The following IQCK variants were observed in gnomAD, a reference collection of about 807,000 sequenced individuals.
IQCK encodes the protein IQ motif containing K, also known as IQ domain-containing protein K.
A neutral mutation model predicts 28.1 loss-of-function variants in IQCK; 29 were observed. The ratio of observed to expected loss-of-function variants is 1.03; its 90% CI spans 0.77 to 1.41. The LOEUF is 1.41. Among genes scored for constraint, IQCK ranks in the 40% most tolerant of loss-of-function variants. The pLI is 0.00. For synonymous variants in IQCK, 113 were observed against 115.1 expected (o/e 0.98, Z 0.12); for missense variants, 359 against 314.7 (o/e 1.14, Z -1.07).
chr16:19,810,737 C>T (rs1205796583), intron 7 of IQCK, among the ~76,000 whole-genome samples: 4 of 141,194 alleles, frequency 2.8e-5, no homozygotes, highest in African/African-American at 5.3e-5. Context: ...ACCTGGGAGG[C>T]GGAAGTTGTA....
At chr16:19,819,322 G>A (rs1470774983) in intron 7 of IQCK, among the ~76,000 whole-genome samples, 1 of 151,882 alleles carries the variant, frequency 6.6e-6, no homozygotes, top group East Asian at 1.9e-4. Flanking sequence ...GTGAAATTCC[G>A]TCTCTACTAA....
At chr16:19,821,436 T>C (rs1234798603) in intron 7 of IQCK, among the ~76,000 whole-genome samples, 4 of 152,038 alleles carry the variant, frequency 2.6e-5, no homozygotes, top group Non-Finnish European at 5.9e-5. Flanking sequence ...AAACAAAAAC[T>C]CGCCTGTAAT....
At chr16:19,831,128 G>C (rs1214465345), downstream of IQCK, among the ~76,000 whole-genome samples, 1 of 152,180 alleles carries the variant, frequency 6.6e-6, no homozygotes, top group Non-Finnish European at 1.5e-5. Context: ...GGAGAGCCTG[G>C]GGCTGGGCCC....
At position 19,824,508 on chromosome 16, in the gene IQCK, G is replaced by T. The variant is rs1362034958; in HGVS notation, c.691-2518G>T. Among the ~76,000 whole-genome samples, 3 of 152,144 alleles carry T rather than the reference G, an allele frequency of 2.0e-5. No individual in the cohort carries two copies. In the East Asian group the frequency reaches 5.8e-4, roughly 29 times the overall value. The stretch of plus-strand genomic sequence containing the variant: ...ACCAGCATGTGGCTGCAGGGGCTGG[G>T]TACCTCCGAAATAAGGGGAACCCCC... On this transcript the variant is annotated intron_variant, in intron 7 of 7. Coordinates refer to ENST00000564186, the Ensembl canonical transcript of IQCK.
intron 7 of IQCK, among the ~76,000 whole-genome samples, chr16:19,826,375 T>A (rs533171664): frequency 6.6e-6 from 1 of 151,968 alleles, no homozygotes; most frequent in Non-Finnish European, 1.5e-5. Flanking sequence ...TTAAGTGAGA[T>A]ATATTCTTGT....
intron 6 of IQCK, among the ~76,000 whole-genome samples, chr16:19,786,843 GGGAA>G (rs1440542050): frequency 1.3e-5 from 1 of 79,306 alleles, no homozygotes; most frequent in Non-Finnish European, 2.1e-5. Flanking sequence ...GGGGGATGGA[GGGAA>G]GGAAGGAAGG....
chr16:19,834,910 A>C (rs1245772195), intron 9 of IQCK, among the ~76,000 whole-genome samples: 1 of 152,082 alleles, frequency 6.6e-6, no homozygotes. Context: ...TTAGTGATGT[A>C]TTTTCCAAAG....
intron 7 of IQCK, among the ~76,000 whole-genome samples, chr16:19,804,585 G>A (rs1282587601): frequency 6.6e-6 from 1 of 151,858 alleles, no homozygotes; most frequent in East Asian, 2.0e-4. Flanking sequence ...CCACAGCTGT[G>A]AGCTACTACA....
In IQCK at chr16:19,786,785, AAAAG is replaced by A. The variant is rs1446240809; in HGVS notation, c.606-2043_606-2040del. Among the ~76,000 whole-genome samples the A allele has an allele frequency of 1.3e-3, 148 of 114,272 alleles. 1 individual carries two copies. The highest frequency in any genetic ancestry group is 3.8e-3 in the East Asian group (16 of 4,250). The allele number at this position is 114,272 out of a possible 152,430, so 75.0% of individuals were successfully genotyped here. On this transcript the variant is annotated intron_variant, in intron 6 of 7. Coordinates refer to ENST00000564186, the Ensembl canonical transcript of IQCK. Reference sequence around the variant, plus strand: ...AGGAAGAAATGGAAGAATCACCTAGAAAAGAAAGAAAGAGAGAGAGAGAGAGAGA... The same window carrying A: ...AGGAAGAAATGGAAGAATCACCTAGAAAAGAAAGAGAGAGAGAGAGAGAGA...
intron 4 of IQCK, among the ~76,000 whole-genome samples, chr16:19,759,587 A>AT (rs1371857537): frequency 2.0e-5 from 3 of 152,196 alleles, no homozygotes; most frequent in African/African-American, 7.2e-5. Flanking sequence ...AGAGCTTATG[A>AT]TTCACTAGGG....
chr16:19,778,656 CA>C (rs955415899), intron 6 of IQCK, among the ~76,000 whole-genome samples: 2 of 148,236 alleles, frequency 1.3e-5, no homozygotes, highest in Admixed American at 6.7e-5. Flanking sequence ...GACCCTATCT[CA>C]AAAAAAAATA....
At chr16:19,809,736 G>C (rs1053659879) in intron 7 of IQCK, among the ~76,000 whole-genome samples, 1 of 152,084 alleles carries the variant, frequency 6.6e-6, no homozygotes, top group African/African-American at 2.4e-5. Context: ...GCGGTTCTCC[G>C]ACTTTAGCCC....
intron 6 of IQCK, among the ~76,000 whole-genome samples, chr16:19,771,387 C>T (rs1013925777): frequency 3.3e-5 from 5 of 152,156 alleles, no homozygotes; most frequent in South Asian, 4.1e-4. Context: ...CCACCATGCC[C>T]GACCAGTTTC....
intron 6 of IQCK, among the ~76,000 whole-genome samples, chr16:19,768,182 C>T (rs1393676747): frequency 3.9e-5 from 6 of 152,078 alleles, no homozygotes; most frequent in Admixed American, 1.3e-4. Context: ...ATTTAATCTT[C>T]ACAACAACAC....
chr16:19,792,716 C>T (rs1597564591), intron 7 of IQCK, among the ~76,000 whole-genome samples: 1 of 110,180 alleles, frequency 9.1e-6, no homozygotes, highest in East Asian at 2.3e-4. Context: ...GGATTACAGG[C>T]GCCTGCCACC....
chr16:19,809,219 G>A (rs563933297), intron 7 of IQCK, among the ~76,000 whole-genome samples: 1 of 152,292 alleles, frequency 6.6e-6, no homozygotes, highest in East Asian at 1.9e-4. Context: ...GGTAAATTGC[G>A]CAGCTGCAAT....
chr16:19,723,393 C>T (rs1014739884), intron 1 of IQCK, among the ~76,000 whole-genome samples: 1 of 152,164 alleles, frequency 6.6e-6, no homozygotes, highest in Non-Finnish European at 1.5e-5. Context: ...TCACCCAAAT[C>T]ATCCTAATGG....
At chr16:19,721,009 C>T (rs1018415928) in intron 1 of IQCK, among the ~76,000 whole-genome samples, 4 of 145,490 alleles carry the variant, frequency 2.7e-5, no homozygotes, top group African/African-American at 1.0e-4. Flanking sequence ...AAGAATCCGT[C>T]TAGAAAAAAA....
intron 9 of IQCK, among the ~76,000 whole-genome samples, chr16:19,848,142 A>C (rs772359549): frequency 6.6e-6 from 1 of 152,232 alleles, no homozygotes; most frequent in Non-Finnish European, 1.5e-5. Flanking sequence ...AGCAGTCTGC[A>C]TCTTTACCAA....
Sources: allele counts gnomAD v4.1 joint callset (sites outside exome capture counted in the v4.1 genomes callset), GRCh38; gene constraint gnomAD v4.1.1; transcripts MANE v1.5; gene names NCBI Gene and HGNC (gene_info 2026-07-23, HGNC 2026-07-21).